RELL1: variants seen among roughly 807,000 people sequenced by gnomAD.
RELL1 encodes the protein RELT like 1.
Under a neutral mutation model 23.0 loss-of-function variants are expected in RELL1, and 10 were observed. The ratio of observed to expected loss-of-function variants is 0.43; its 90% CI spans 0.27 to 0.74. The LOEUF (loss-of-function observed/expected upper bound fraction) is 0.74, where lower values mean the gene tolerates loss of function less well. Among genes scored for constraint, RELL1 ranks in the 30% least tolerant of loss-of-function variants. The pLI, the probability that RELL1 is intolerant of heterozygous loss-of-function variation, is 0.19. For missense variants in RELL1, 315 were observed against 364.4 expected (o/e 0.86, Z 1.10); for synonymous variants, 146 against 146.8 (o/e 0.99, Z 0.04).
chr4:37,623,004 C>T (rs556126245), intron 6 of RELL1: 6 of 362,900 alleles, frequency 1.7e-5, no homozygotes, highest in East Asian at 7.4e-5. Context: ...GGGGTTTCAC[C>T]GTGTTGTCCA....
chr4:37,596,592 G>C (rs1244443486), intron 6 of RELL1, among the ~76,000 whole-genome samples: 1 of 150,304 alleles, frequency 6.7e-6, no homozygotes, highest in African/African-American at 2.4e-5. Context: ...ACATATCAGA[G>C]CATTAATATT....
chr4:37,660,905 C>G (rs1721324998), intron 1 of RELL1, among the ~76,000 whole-genome samples: 1 of 151,956 alleles, frequency 6.6e-6, no homozygotes, highest in African/African-American at 2.4e-5. Flanking sequence ...GTGGCGGGCG[C>G]CTGTTGTCCC....
chr4:37,639,457 T>TAA (rs1401222974), intron 3 of RELL1, among the ~76,000 whole-genome samples: 8 of 150,954 alleles, frequency 5.3e-5, no homozygotes, highest in African/African-American at 1.9e-4. Context: ...ACGCTAACTT[T>TAA]AAAAAATTAG....
chr4:37,606,108 G>A (rs1719211583), downstream of RELL1, among the ~76,000 whole-genome samples: 1 of 143,072 alleles, frequency 7.0e-6, no homozygotes. The surrounding 1 kb of genome is among the most constrained non-coding windows in gnomAD (Gnocchi z 4.1). Context: ...CAAGAAGAAG[G>A]AGGAGGAGGA....
chr4:37,683,757 C>CA (rs1282924028), intron 1 of RELL1, among the ~76,000 whole-genome samples: 1 of 148,934 alleles, frequency 6.7e-6, no homozygotes, highest in Non-Finnish European at 1.5e-5. Context: ...GACTCTGTCT[C>CA]AAAAAACAAT....
chr4:37,638,591 A>T lies in RELL1; in HGVS notation c.386-87T>A, dbSNP rs149716890. The stretch of plus-strand genomic sequence containing the variant: ...AGAAAAGCTGTTGAAAACACATCTA[A>T]TTCCATTCTTTCAGTTCATAGATGA... On this transcript the variant is annotated intron_variant, in intron 3 of 6. Transcript: ENST00000454158. 6.9e-6 allele frequency: 7 copies of T among 1,014,258 alleles called. No homozygotes were observed. In the East Asian group the frequency reaches 1.8e-4, roughly 27 times the overall value. 62.8% of individuals were successfully genotyped at this position (1,014,258 alleles called of 1,614,324 possible).
intron 3 of RELL1, among the ~76,000 whole-genome samples, chr4:37,642,729 A>G (rs1200279649): frequency 6.6e-6 from 1 of 152,210 alleles, no homozygotes; most frequent in Non-Finnish European, 1.5e-5. Context: ...CCAAGTGATT[A>G]GAGGGTTGGA....
intron 6 of RELL1, among the ~76,000 whole-genome samples, chr4:37,601,439 C>A (rs1356435765): frequency 6.6e-6 from 1 of 152,142 alleles, no homozygotes; most frequent in Non-Finnish European, 1.5e-5. Context: ...CTAAAAGGCA[C>A]ATATTATCTT....
intron 1 of RELL1, among the ~76,000 whole-genome samples, chr4:37,671,479 T>A (rs1721831928): frequency 6.6e-6 from 1 of 152,198 alleles, no homozygotes; most frequent in African/African-American, 2.4e-5. Context: ...CCTCTGGTTA[T>A]CCTTACTGCT....
At chr4:37,635,640 T>A (rs183129258) in intron 4 of RELL1, among the ~76,000 whole-genome samples, 94 of 152,094 alleles carry the variant, frequency 6.2e-4, no homozygotes, top group African/African-American at 2.1e-3. Flanking sequence ...GAAAAAAAAA[T>A]GTGATTTATC....
At chr4:37,608,562 GAGGAAGCTGCAGAAAAAAGGT>G (rs1560326109), downstream of RELL1, among the ~76,000 whole-genome samples, 4 of 152,034 alleles carry the variant, frequency 2.6e-5, no homozygotes, top group African/African-American at 7.3e-5. Context: ...TGAAAGAAGT[GAGGAAGCTGCAGAAAAAAGGT>G]AGGAAGCTGC....
intron 5 of RELL1, among the ~76,000 whole-genome samples, chr4:37,633,917 A>AG (rs1553873655): frequency 6.6e-6 from 1 of 152,154 alleles, no homozygotes; most frequent in Non-Finnish European, 1.5e-5. Context: ...TACTCTTCCC[A>AG]GGGGGGTTGT....
In RELL1 at chr4:37,631,502, C is replaced by G. The variant is rs199837659; in HGVS notation, c.702G>C (p.Glu234Asp). 1 of 1,613,876 alleles carries G rather than the reference C, an allele frequency of 6.2e-7. No individual in the cohort carries two copies. The change falls in exon 6 of 7, where the codon GAG (glutamate) becomes GAC (aspartate). Residue 234 changes from glutamate (E) to aspartate (D), a missense_variant. Coordinates refer to ENST00000454158, the MANE Select transcript of RELL1 (RefSeq NM_001085400.2). ...SVGRFRVTKV[E>D]HKSNQKERRS... is the part of the protein sequence containing the mutation. ...TCCGTTCCTTCTGGTTTGACTTGTGCTCCACTTTTGTAACTCTAAATCTGA... is the reference window on the plus strand; with the variant it reads ...TCCGTTCCTTCTGGTTTGACTTGTGGTCCACTTTTGTAACTCTAAATCTGA...
At chr4:37,634,570 C>T (rs1282026494) in intron 5 of RELL1, among the ~76,000 whole-genome samples, 2 of 152,234 alleles carry the variant, frequency 1.3e-5, no homozygotes, top group Non-Finnish European at 2.9e-5. Flanking sequence ...CCATTGATAT[C>T]TCAATACCTG....
chr4:37,683,475 G>A lies in RELL1; in HGVS notation c.88+2725C>T, dbSNP rs1398004744. Among the ~76,000 whole-genome samples, 3 of 152,302 alleles carry A rather than the reference G, an allele frequency of 2.0e-5. No homozygotes were observed. In the East Asian group the frequency reaches 5.8e-4, roughly 29 times the overall value. ...CAATGAGTTTAAAAATGCCTATGAAGGCTGGGCGCGGTGGCTCACACCTGT... is the reference window on the plus strand; with the variant it reads ...CAATGAGTTTAAAAATGCCTATGAAAGCTGGGCGCGGTGGCTCACACCTGT... On this transcript the variant is annotated intron_variant, in intron 1 of 6. Coordinates refer to ENST00000454158, the MANE Select transcript of RELL1 (RefSeq NM_001085400.2).
chr4:37,590,566 A>G, downstream of RELL1: 2 of 1,614,184 alleles, frequency 1.2e-6, no homozygotes, highest in Non-Finnish European at 1.7e-6. Context: ...TGAGGCAGAA[A>G]GTTTTGCCTT....
At chr4:37,592,497 C>T (rs1013828290) in intron 6 of RELL1, among the ~76,000 whole-genome samples, 5 of 152,062 alleles carry the variant, frequency 3.3e-5, no homozygotes, top group Non-Finnish European at 7.4e-5. Flanking sequence ...CAAAGATGAA[C>T]AAGCCCTCTC....
chr4:37,633,759 C>G (rs541816640), intron 5 of RELL1, among the ~76,000 whole-genome samples: 1 of 152,080 alleles, frequency 6.6e-6, no homozygotes, highest in South Asian at 2.1e-4. Flanking sequence ...TGTGAGTCAC[C>G]TCACCTAGTC....
chr4:37,641,700 C>T (rs1056742951), intron 3 of RELL1, among the ~76,000 whole-genome samples: 1 of 152,174 alleles, frequency 6.6e-6, no homozygotes, highest in African/African-American at 2.4e-5. Context: ...TGATAATATG[C>T]ATGAAACAGC....
Sources: gnomAD v4.1 joint callset for allele counts (sites outside exome capture counted in the v4.1 genomes callset) on GRCh38, gnomAD v4.1.1 for gene constraint, Gnocchi (gnomAD v3.1) non-coding constraint, MANE v1.5 for transcripts, NCBI Gene and HGNC (gene_info 2026-07-23, HGNC 2026-07-21) for gene names.